The following CTSA variants were observed in gnomAD, a reference collection of about 807,000 sequenced individuals.
CTSA encodes the protein cathepsin A, also known as lysosomal protective protein.
In CTSA, 42 loss-of-function variants were observed where a neutral mutation model predicts 66.7. The ratio of observed to expected loss-of-function variants is 0.63; its 90% CI spans 0.49 to 0.81. CTSA has a LOEUF of 0.81. Ranked by LOEUF, CTSA falls within the 40% of genes least tolerant of loss-of-function variation. The pLI is 0.00. For synonymous variants in CTSA, 225 were observed against 248.6 expected, an observed-to-expected ratio of 0.91 and a Z score of 0.89; for missense variants, 525 against 610.9, an observed-to-expected ratio of 0.86 and a Z score of 1.48.
chr20:45,893,334 A>C (rs374491759), intron 7 of CTSA, 23 bp downstream of exon 7: 8 of 1,564,940 alleles, frequency 5.1e-6, no homozygotes, highest in Non-Finnish European at 7.0e-6. Flanking sequence ...GCAGTTGGGC[A>C]ATCTCTGGGG....
chr20:45,897,113 T>C, intron 12 of CTSA, 73 bp downstream of exon 12: 1 of 1,180,708 alleles, frequency 8.5e-7, no homozygotes, highest in Non-Finnish European at 1.3e-6. Context: ...CTGGGGGCCC[T>C]TGAGACTTCC....
rs1203604535 is a variant in CTSA, at chr20:45,897,251, A to G, written c.1164+211A>G. On this transcript the variant is annotated intron_variant, in intron 12 of 14. Coordinates refer to ENST00000646241, the MANE Select transcript of CTSA (RefSeq NM_000308.4). Reference sequence around the variant, plus strand: ...TGCTATAGGAGGCCTAGGGGTCTGCATCAGCCACGGAGTCTTAAGGGTGAG... The same window carrying G: ...TGCTATAGGAGGCCTAGGGGTCTGCGTCAGCCACGGAGTCTTAAGGGTGAG... The G allele has an allele frequency of 4.9e-6, 3 of 611,900 alleles. No individual in the cohort carries two copies. In the East Asian group the frequency reaches 8.4e-5, roughly 17 times the overall value. 37.9% of individuals were successfully genotyped at this position (611,900 alleles called of 1,614,324 possible). A position where few individuals can be genotyped will look rare whatever the true frequency, so the allele number is the denominator to read the frequency against.
At position 45,892,316 on chromosome 20, in the gene CTSA, G is replaced by A. The variant is rs757912971; in HGVS notation, c.350G>A (p.Trp117Ter). The change falls in exon 4 of 15, where the codon TGG becomes TAG. Residue 117 changes from tryptophan to a stop codon, truncating the protein, a stop_gained. Coordinates refer to ENST00000646241, the MANE Select transcript of CTSA (RefSeq NM_000308.4). LOFTEE classifies it high-confidence loss of function. ...GVTLEYNPYSWNLIANVLYLE... is the reference protein window; with the variant it reads ...GVTLEYNPYS ...ACCCTGGAGTACAACCCCTATTCTT[G>A]GAATCTGGTATAGCTGGAGCTGTGG... 5 of 1,614,018 alleles carry A rather than the reference G, an allele frequency of 3.1e-6. No homozygotes were observed. The highest frequency in any genetic ancestry group is 4.2e-6 in the Non-Finnish European group (5 of 1,180,032).
rs199608248 is a variant in CTSA, at chr20:45,896,029, T to C, written c.1088+896T>C. On this transcript the variant is annotated intron_variant, in intron 11 of 14. Transcript: ENST00000646241. Reference sequence around the variant, plus strand: ...GGCCAACATGAAGAAACCCCATCTCTACTAAAAATACAACAATTAGCCAGG... The same window carrying C: ...GGCCAACATGAAGAAACCCCATCTCCACTAAAAATACAACAATTAGCCAGG... Among the ~76,000 whole-genome samples the C allele has an allele frequency of 1.5e-4, 23 of 152,234 alleles. No individual in the cohort carries two copies. In the East Asian group the frequency reaches 3.3e-3, roughly 22 times the overall value.
intron 10 of CTSA, 37 bp downstream of exon 10, chr20:45,894,938 G>A (rs1213179395): frequency 6.2e-7 from 1 of 1,612,094 alleles, no homozygotes; most frequent in Non-Finnish European, 8.5e-7. Context: ...GGTGAGGTGG[G>A]GGCAGGGGGA....
In CTSA at chr20:45,898,665, G is replaced by C. The variant is rs570999650; in HGVS notation, c.*215G>C. 3.0e-6 allele frequency: 2 copies of C among 676,352 alleles called. No homozygotes were observed. Among genetic ancestry groups the C allele is most frequent in the East Asian group, 2.7e-5 (1 of 36,930 alleles). The allele number at this position is 676,352 out of a possible 1,614,324, so 41.9% of individuals were successfully genotyped here. ...TTATTCCCGCAGCAGTTCCTGAATG[G>C]GGTGGCCTGGCCCCTTCTCTGCTTA... On this transcript the variant is annotated 3_prime_UTR_variant, in exon 15 of 15. Transcript: ENST00000646241. The surrounding 1 kb of genome is among the most constrained non-coding windows in gnomAD (Gnocchi z 4.6).
rs1314050446 is a variant in CTSA at position 45,898,156 on chromosome 20, G to C, written c.1359+47G>C. The C allele has an allele frequency of 6.3e-7, 1 of 1,577,808 alleles. No homozygotes were observed. Among genetic ancestry groups the C allele is most frequent in the Admixed American group, 1.7e-5 (1 of 59,596 alleles). ...AGATAACTGGGCCGGAGGCAAAGGA[G>C]CAGGACCCACCCGTCCTTTCCCTCT... On this transcript the variant is annotated intron_variant, in intron 14 of 14. Coordinates refer to ENST00000646241, the MANE Select transcript of CTSA (RefSeq NM_000308.4). This position sits in a 1 kb window ranked among gnomAD's most constrained non-coding sequence, Gnocchi z 4.6.
Position 45,893,267 on chromosome 20 carries a change from C to T in CTSA, c.648C>T (p.Asn216=), listed in dbSNP as rs938186338. 2 of 1,614,040 alleles carry T rather than the reference C, an allele frequency of 1.2e-6. No homozygotes were observed. The highest frequency in any genetic ancestry group is 2.7e-5 in the African/African-American group (2 of 74,898). ...NGLSSYEQND[N]SLVYFAYYHG... is the part of the protein sequence containing the mutation. ...TCTCCTCCTATGAGCAGAATGACAA[C>T]TCCCTGGTCTACTTTGCCTACTACC... Residue 216 remains asparagine, a synonymous_variant, in exon 7 of 15, where the codon AAC becomes AAT. Transcript: ENST00000646241.
chr20:45,893,050 T>A, intron 6 of CTSA, 170 bp downstream of exon 6: 1 of 941,934 alleles, frequency 1.1e-6, no homozygotes, highest in East Asian at 2.6e-5. Context: ...GAAACTCACC[T>A]GTCAGGCTGC....
rs1189568492 is a variant in CTSA at position 45,896,999 on chromosome 20, C to T, written c.1123C>T (p.Arg375Ter). ...LVNLQYRRLY[R>*]SMNSQYLKLL... ...AAACTTACAGTACCGCCGTCTCTAC[C>T]GAAGCATGAACTCCCAGTATCTGAA... The change falls in exon 12 of 15, where the codon CGA becomes TGA. Residue 375 changes from arginine to a stop codon, truncating the protein, a stop_gained. Coordinates refer to ENST00000646241, the MANE Select transcript of CTSA (RefSeq NM_000308.4). LOFTEE classifies it high-confidence loss of function. The T allele has an allele frequency of 4.3e-6, 7 of 1,613,918 alleles. No individual in the cohort carries two copies. The highest frequency in any genetic ancestry group is 2.7e-5 in the African/African-American group (2 of 74,934).
chr20:45,892,682 C>T (rs765995386), intron 5 of CTSA, 43 bp from the exon 6 acceptor site: 1 of 1,613,652 alleles, frequency 6.2e-7, no homozygotes, highest in Admixed American at 1.7e-5. Context: ...AGTTCAAATA[C>T]CAAAGCTTCC....
rs373498418 is a variant in CTSA, at chr20:45,892,839, C to T, written c.559C>T (p.Leu187=). The change falls in exon 6 of 15, where the codon CTG becomes TTG. Residue 187 remains leucine, a synonymous_variant. Coordinates refer to ENST00000646241, the MANE Select transcript of CTSA (RefSeq NM_000308.4). Reference sequence around the variant, plus strand: ...CTATGCTGGCATCTACATCCCCACCCTGGCCGTGCTGGTCATGCAGGATCC... The same window carrying T: ...CTATGCTGGCATCTACATCCCCACCTTGGCCGTGCTGGTCATGCAGGATCC... The part of the protein sequence containing the change: ...ESYAGIYIPT[L]AVLVMQDPSM... 6.2e-7 allele frequency: 1 copy of T among 1,614,204 alleles called. No individual in the cohort carries two copies. Among genetic ancestry groups the T allele is most frequent in the East Asian group, 2.2e-5 (1 of 44,882 alleles).
chr20:45,895,327 AT>A, intron 11 of CTSA, 194 bp downstream of exon 11: 2 of 694,168 alleles, frequency 2.9e-6, no homozygotes, highest in East Asian at 2.8e-5. Context: ...TAAATTTAAA[AT>A]TTTTTTGTTT....
At chr20:45,897,184 G>A in intron 12 of CTSA, 144 bp downstream of exon 12, 1 of 753,864 alleles carries the variant, frequency 1.3e-6, no homozygotes, top group Non-Finnish European at 2.3e-6. Context: ...TGATTGGTGG[G>A]GTCAGAATTT....
At position 45,898,092 on chromosome 20, in the gene CTSA, G is replaced by C; in HGVS notation, c.1342G>C (p.Ala448Pro). Residue 448 changes from alanine to proline, a missense_variant, in exon 14 of 15, where the codon GCC becomes CCC. Physicochemically the swap from Ala to Pro is conservative, Grantham distance 27. This residue lies in a region of CTSA where 274 missense variants were observed against 321.1 expected (regional missense o/e 0.85). Transcript: ENST00000646241. This position sits in a 1 kb window ranked among gnomAD's most constrained non-coding sequence, Gnocchi z 4.6. The stretch of plus-strand genomic sequence containing the variant: ...CTTCGTGAAGGAGTTCTCCCACATC[G>C]CCTTTCTCACGATCAAGGTAGGGAC... The part of the protein sequence containing the change: ...AGFVKEFSHI[A>P]FLTIKGAGHM... 6.2e-7 allele frequency: 1 copy of C among 1,614,064 alleles called. No individual in the cohort carries two copies. Among genetic ancestry groups the C allele is most frequent in the East Asian group, 2.2e-5 (1 of 44,860 alleles).
chr20:45,898,072 T>C lies in CTSA; in HGVS notation c.1322T>C (p.Val441Ala). 1 of 1,614,008 alleles carries C rather than the reference T, an allele frequency of 6.2e-7. No individual in the cohort carries two copies. Among genetic ancestry groups the C allele is most frequent in the Non-Finnish European group, 8.5e-7 (1 of 1,179,980 alleles). Residue 441 changes from valine to alanine, a missense_variant, in exon 14 of 15, where the codon GTG becomes GCG. Physicochemically the swap from Val to Ala is moderately conservative, Grantham distance 64. This residue lies in a region of CTSA where 274 missense variants were observed against 321.1 expected (regional missense o/e 0.85). Transcript: ENST00000646241. The surrounding 1 kb of genome is among the most constrained non-coding windows in gnomAD (Gnocchi z 4.6). ...GDSGEQIAGFVKEFSHIAFLT... is the reference protein window; with the variant it reads ...GDSGEQIAGFAKEFSHIAFLT... ...AGCGGGGAGCAGATTGCCGGCTTCG[T>C]GAAGGAGTTCTCCCACATCGCCTTT...
At chr20:45,894,142 C>CT in intron 8 of CTSA, 70 bp downstream of exon 8, 1 of 1,071,720 alleles carries the variant, frequency 9.3e-7, no homozygotes, top group Non-Finnish European at 1.5e-6. Context: ...ACATTCCCTC[C>CT]TTGGGGACTC....
At chr20:45,892,582 C>A in intron 5 of CTSA, 98 bp downstream of exon 5, 1 of 1,507,638 alleles carries the variant, frequency 6.6e-7, no homozygotes, top group Non-Finnish European at 9.2e-7. Flanking sequence ...CTACTTTTCG[C>A]TCTGTCATAT....
chr20:45,893,713 G>T (rs1345235147), intron 7 of CTSA, among the ~76,000 whole-genome samples: 1 of 151,982 alleles, frequency 6.6e-6, no homozygotes, highest in Non-Finnish European at 1.5e-5. Context: ...TGAACTCCTG[G>T]CCTCAAATGA....
Sources: gnomAD v4.1 joint callset for allele counts (sites outside exome capture counted in the v4.1 genomes callset) on GRCh38, gnomAD v4.1.1 for gene constraint, gnomAD v4.1.1 regional missense constraint, Gnocchi (gnomAD v3.1) non-coding constraint, MANE v1.5 for transcripts, NCBI Gene and HGNC (gene_info 2026-07-23, HGNC 2026-07-21) for gene names.